HAS3: variants seen among roughly 807,000 people sequenced by gnomAD.
The protein encoded by HAS3 is hyaluronan synthase 3.
Under a neutral mutation model 50.3 loss-of-function variants are expected in HAS3, and 27 were observed. That is an observed-to-expected ratio of 0.54 (90% confidence interval 0.40 to 0.74). The LOEUF is 0.74. HAS3 is among the 30% of genes least tolerant of loss of function. The pLI is 0.00. For synonymous variants in HAS3, 339 were observed against 310.9 expected (o/e 1.09, Z -0.95); for missense variants, 517 against 742.8 (o/e 0.70, Z 3.53).
Position 69,116,147 on chromosome 16 carries a change from C to T in HAS3, c.*881C>T. 1.0e-6 allele frequency: 1 copy of T among 985,136 alleles called. No individual in the cohort carries two copies. Among genetic ancestry groups the T allele is most frequent in the African/African-American group, 1.7e-5 (1 of 57,362 alleles). The allele number at this position is 985,136 out of a possible 1,614,324, so 61.0% of individuals were successfully genotyped here. The stretch of plus-strand genomic sequence containing the variant: ...TTTTAACCTGTATACTCTTGAATTC[C>T]TCTCAAATTCAGCTCTGATCTGAGG... On this transcript the variant is annotated 3_prime_UTR_variant, in exon 4 of 4. Transcript: ENST00000569188.
chr16:69,104,269 T>A, upstream of HAS3, among the ~76,000 whole-genome samples: 1 of 141,312 alleles, frequency 7.1e-6, no homozygotes, highest in Non-Finnish European at 1.5e-5. Flanking sequence ...GTTTTTTTTT[T>A]TTTTCTTTTC....
Position 69,115,343 on chromosome 16 carries a change from G to A in HAS3, c.*77G>A, listed in dbSNP as rs1041271282. The A allele has an allele frequency of 2.7e-6, 4 of 1,466,414 alleles. No individual in the cohort carries two copies. The highest frequency in any genetic ancestry group is 2.8e-5 in the African/African-American group (2 of 71,042). 90.8% of individuals were successfully genotyped at this position (1,466,414 alleles called of 1,614,324 possible). ...GAATGGAAGAGAAAAGACAGGGTGG[G>A]AGGGAGGAGGGAGTGCTGTGTTTTA... On this transcript the variant is annotated 3_prime_UTR_variant, in exon 4 of 4. Transcript: ENST00000569188.
chr16:69,103,827 G>A (rs182621858), upstream of HAS3, among the ~76,000 whole-genome samples: 1 of 152,294 alleles, frequency 6.6e-6, no homozygotes, highest in East Asian at 1.9e-4. Context: ...CTTGCTGAGC[G>A]CTTACCCTCA....
the HAS3 span, among the ~76,000 whole-genome samples, chr16:69,098,418 T>A: frequency 6.6e-6 from 1 of 151,994 alleles, no homozygotes; most frequent in Non-Finnish European, 1.5e-5. Context: ...TCTTCATTTT[T>A]TTTTTTACAA....
chr16:69,084,594 T>C, the HAS3 span: 5 of 152,460 alleles, frequency 3.3e-5, no homozygotes, highest in Non-Finnish European at 7.4e-5. Context: ...TATTTCTTTA[T>C]ATGTTTTGGC....
chr16:69,085,591 TC>T, the HAS3 span, among the ~76,000 whole-genome samples: 1 of 146,814 alleles, frequency 6.8e-6, no homozygotes, highest in Non-Finnish European at 1.5e-5. Flanking sequence ...CTTCTTTCTT[TC>T]TTTTTTTTTT....
chr16:69,118,537 TC>T, downstream of HAS3: 1 of 901,710 alleles, frequency 1.1e-6, no homozygotes, highest in Non-Finnish European at 1.9e-6. Context: ...TGAGGAAAAG[TC>T]CACAAGAACA....
intron 2 of HAS3, among the ~76,000 whole-genome samples, chr16:69,111,385 T>C (rs1320616322): frequency 6.6e-6 from 1 of 152,170 alleles, no homozygotes; most frequent in South Asian, 2.1e-4. Flanking sequence ...GCCAGGATTC[T>C]TGATGGCATC....
rs1961214170 is a variant in HAS3, at chr16:69,117,034, C to T, written c.*1768C>T. On this transcript the variant is annotated 3_prime_UTR_variant, in exon 4 of 4. Coordinates refer to ENST00000569188, the MANE Select transcript of HAS3 (RefSeq NM_001199280.2). ...TTCCAGGTGTAGCTAACAGTTGCCA[C>T]ATCACACAGACCTCGAGTTTCTGGT... The T allele has an allele frequency of 1.0e-6, 1 of 985,428 alleles. No individual in the cohort carries two copies. Among genetic ancestry groups the T allele is most frequent in the Admixed American group, 6.1e-5 (1 of 16,264 alleles). The allele number at this position is 985,428 out of a possible 1,614,324, so 61.0% of individuals were successfully genotyped here. A position where few individuals can be genotyped will look rare whatever the true frequency, so the allele number is the denominator to read the frequency against.
the HAS3 span, among the ~76,000 whole-genome samples, chr16:69,096,477 C>T: frequency 3.0e-5 from 4 of 135,388 alleles, no homozygotes; most frequent in African/African-American, 1.1e-4. Context: ...CGGAGGTTGC[C>T]GTGAGCAAAG....
intron 1 of HAS3, among the ~76,000 whole-genome samples, chr16:69,108,265 C>T (rs1009316486): frequency 6.6e-6 from 1 of 152,094 alleles, no homozygotes; most frequent in African/African-American, 2.4e-5. Flanking sequence ...CTCTTCGGGG[C>T]CGGAAGTGTT....
In HAS3 at chr16:69,113,561, T is replaced by C. The variant is rs777183968; in HGVS notation, c.738+19T>C. ...TGTCCAGGTAAGATGAGACCAGGGATATCTGTGGGGAGGGGTCTGGACTCT... is the reference window on the plus strand; with the variant it reads ...TGTCCAGGTAAGATGAGACCAGGGACATCTGTGGGGAGGGGTCTGGACTCT... On this transcript the variant is annotated intron_variant, in intron 3 of 3. Coordinates refer to ENST00000569188, the MANE Select transcript of HAS3 (RefSeq NM_001199280.2). 2.8e-6 allele frequency: 4 copies of C among 1,415,616 alleles called. No homozygotes were observed. The highest frequency in any genetic ancestry group is 2.8e-5 in the African/African-American group (2 of 71,070). 87.7% of individuals were successfully genotyped at this position (1,415,616 alleles called of 1,614,324 possible). A position where few individuals can be genotyped will look rare whatever the true frequency, so the allele number is the denominator to read the frequency against.
At chr16:69,103,465 G>A (rs375869614), upstream of HAS3, among the ~76,000 whole-genome samples, 2 of 152,164 alleles carry the variant, frequency 1.3e-5, no homozygotes, top group South Asian at 2.1e-4. Flanking sequence ...GCACGATCTC[G>A]GCTCACTGCA....
rs750763427 is a variant in HAS3 at position 69,109,919 on chromosome 16, G to A, written c.524G>A (p.Arg175Gln). 49 of 1,614,096 alleles carry A rather than the reference G, an allele frequency of 3.0e-5. No individual in the cohort carries two copies. In the South Asian group the frequency reaches 4.6e-4, roughly 15 times the overall value. The part of the protein sequence containing the change: ...ASLQEGMDRV[R>Q]DVVRASTFSC... The stretch of plus-strand genomic sequence containing the variant: ...CTGCAGGAGGGCATGGACCGTGTGC[G>A]GGATGTGGTGCGGGCCAGCACCTTC... The change falls in exon 2 of 4, where the codon CGG (arginine) becomes CAG (glutamine). Residue 175 changes from arginine (R) to glutamine (Q), a missense_variant. Physicochemically the swap from Arg to Gln is conservative, Grantham distance 43. Transcript: ENST00000569188. This position sits in a 1 kb window ranked among gnomAD's most constrained non-coding sequence, Gnocchi z 5.3.
chr16:69,099,733 T>C, the HAS3 span, among the ~76,000 whole-genome samples: 1 of 152,210 alleles, frequency 6.6e-6, no homozygotes, highest in African/African-American at 2.4e-5. Context: ...GTCTGGAGTA[T>C]TCCTCCATTG....
chr16:69,108,371 G>T (rs1258021101), intron 1 of HAS3, among the ~76,000 whole-genome samples: 1 of 152,196 alleles, frequency 6.6e-6, no homozygotes, highest in Non-Finnish European at 1.5e-5. Flanking sequence ...GAGAACTGGG[G>T]CAAGGTCAGG....
rs10558208 is a variant in HAS3, at chr16:69,117,576, C to CTT, written c.*2325_*2326dup. The CTT allele has an allele frequency of 2.9e-4, 200 of 697,740 alleles. No homozygotes were observed. Among genetic ancestry groups the CTT allele is most frequent in the East Asian group, 6.9e-4 (5 of 7,214 alleles). The allele number at this position is 697,740 out of a possible 1,614,324, so 43.2% of individuals were successfully genotyped here. A position where few individuals can be genotyped will look rare whatever the true frequency, so the allele number is the denominator to read the frequency against. ...TTGTAAACATATTTATTTTTACCTG[C>CTT]TTTTTTTTTTTTTTTTAATTTTCAG... On this transcript the variant is annotated 3_prime_UTR_variant, in exon 4 of 4. Transcript: ENST00000569188.
chr16:69,109,365 T>C lies in HAS3; in HGVS notation c.1-31T>C. 1 of 1,573,226 alleles carries C rather than the reference T, an allele frequency of 6.4e-7. No individual in the cohort carries two copies. Among genetic ancestry groups the C allele is most frequent in the Non-Finnish European group, 8.6e-7 (1 of 1,163,226 alleles). On this transcript the variant is annotated intron_variant, in intron 1 of 3. Coordinates refer to ENST00000569188, the MANE Select transcript of HAS3 (RefSeq NM_001199280.2). This position sits in a 1 kb window ranked among gnomAD's most constrained non-coding sequence, Gnocchi z 5.3. ...CGGACTGGAAATGCTGCCTCCTGCC[T>C]GACCCTTCATCTCCTGCCTTCTCTC...
upstream of HAS3, among the ~76,000 whole-genome samples, chr16:69,101,583 C>T (rs939070099): frequency 1.3e-5 from 2 of 152,112 alleles, no homozygotes; most frequent in African/African-American, 2.4e-5. Context: ...CACATGTCCC[C>T]CATTCCTACA....
Sources: gnomAD v4.1 joint callset for allele counts (sites outside exome capture counted in the v4.1 genomes callset) on GRCh38, gnomAD v4.1.1 for gene constraint, Gnocchi (gnomAD v3.1) non-coding constraint, MANE v1.5 for transcripts, NCBI Gene and HGNC (gene_info 2026-07-23, HGNC 2026-07-21) for gene names.